The following LCLAT1 variants were observed in gnomAD, a reference collection of about 807,000 sequenced individuals.
The protein encoded by LCLAT1 is lysocardiolipin acyltransferase 1, also known as 1-AGP acyltransferase 8.
LCLAT1 carries 11 observed loss-of-function variants against 30.7 expected under a neutral mutation model. That is an observed-to-expected ratio of 0.36 (90% CI 0.23 to 0.59). The LOEUF (loss-of-function observed/expected upper bound fraction) is 0.59, where lower values mean the gene tolerates loss of function less well. Among genes scored for constraint, LCLAT1 ranks in the 20% least tolerant of loss-of-function variants. The pLI, the probability that LCLAT1 is intolerant of heterozygous loss-of-function variation, is 0.77. For missense variants in LCLAT1, 402 were observed against 458.6 expected, an observed-to-expected ratio of 0.88 and a Z score of 1.13; for synonymous variants, 155 against 151.3, an observed-to-expected ratio of 1.02 and a Z score of -0.18.
intron 1 of LCLAT1, among the ~76,000 whole-genome samples, chr2:30,497,860 A>C (rs1684194964): frequency 6.6e-6 from 1 of 152,210 alleles, no homozygotes; most frequent in Non-Finnish European, 1.5e-5. Context: ...TTTGAACAAT[A>C]TATGGTATTT....
chr2:30,517,650 C>T (rs1190797994), intron 1 of LCLAT1, among the ~76,000 whole-genome samples: 2 of 151,884 alleles, frequency 1.3e-5, no homozygotes, highest in Non-Finnish European at 1.5e-5. Flanking sequence ...ATGGGGGCAA[C>T]GAGCAAATGT....
chr2:30,578,782 A>G (rs1666096035), intron 5 of LCLAT1, among the ~76,000 whole-genome samples: 2 of 152,200 alleles, frequency 1.3e-5, no homozygotes. Flanking sequence ...AATTACTCAT[A>G]ATCTGTAATC....
intron 5 of LCLAT1, among the ~76,000 whole-genome samples, chr2:30,637,722 C>T (rs989414943): frequency 1.3e-5 from 2 of 152,166 alleles, no homozygotes; most frequent in African/African-American, 2.4e-5. Flanking sequence ...AGATTACAAG[C>T]GTGCGCCACC....
chr2:30,548,171 C>T (rs558317687), intron 3 of LCLAT1, among the ~76,000 whole-genome samples: 16 of 151,942 alleles, frequency 1.1e-4, no homozygotes, highest in South Asian at 2.1e-4. Context: ...GATGCATGGC[C>T]GGGAGGGTGG....
chr2:30,496,298 A>G (rs1168135212), intron 1 of LCLAT1, among the ~76,000 whole-genome samples: 1 of 152,208 alleles, frequency 6.6e-6, no homozygotes, highest in Non-Finnish European at 1.5e-5. Flanking sequence ...CCATATCTGA[A>G]TCCCTCTTTC....
chr2:30,608,060 C>A (rs1667541019), intron 5 of LCLAT1, among the ~76,000 whole-genome samples: 1 of 151,948 alleles, frequency 6.6e-6, no homozygotes, highest in Non-Finnish European at 1.5e-5. Flanking sequence ...TTTACTCACA[C>A]CTGTAATCCC....
intron 1 of LCLAT1, among the ~76,000 whole-genome samples, chr2:30,452,033 T>A (rs1200479208): frequency 1.3e-5 from 2 of 152,228 alleles, no homozygotes; most frequent in Non-Finnish European, 2.9e-5. Flanking sequence ...GTACAATACT[T>A]CCCTGGTGAC....
chr2:30,525,686 G>T lies in LCLAT1; in HGVS notation c.96G>T (p.Met32Ile), dbSNP rs748316966. Residue 32 changes from methionine (M) to isoleucine (I), a missense_variant, in exon 2 of 6, where the codon ATG (methionine) becomes ATT (isoleucine). Met to Ile is a conservative substitution (Grantham distance 10). Transcript: ENST00000379509. ...TGCTGAGTCCCTTTTTACCTTTGATGTTTGTAAACCCATCTTGGTATCGCT... is the reference window on the plus strand; with the variant it reads ...TGCTGAGTCCCTTTTTACCTTTGATTTTTGTAAACCCATCTTGGTATCGCT... ...IFMLSPFLPL[M>I]FVNPSWYRWI... 11 of 1,614,000 alleles carry T rather than the reference G, an allele frequency of 6.8e-6. No homozygotes were observed. In the East Asian group the frequency reaches 2.5e-4, roughly 36 times the overall value.
intron 5 of LCLAT1, among the ~76,000 whole-genome samples, chr2:30,635,944 A>G (rs1478554389): frequency 1.3e-5 from 2 of 152,190 alleles, no homozygotes; most frequent in East Asian, 3.8e-4. Context: ...TGAGTCTAAA[A>G]AAGCAAAGAC....
chr2:30,455,976 T>G (rs926024003), intron 1 of LCLAT1, among the ~76,000 whole-genome samples: 22 of 151,152 alleles, frequency 1.5e-4, no homozygotes, highest in African/African-American at 5.4e-4. Context: ...CTGGAAGAGA[T>G]TGTGTGAATT....
intron 5 of LCLAT1, chr2:30,607,793 T>C (rs1355404522): frequency 6.6e-6 from 1 of 151,244 alleles, no homozygotes; most frequent in East Asian, 1.9e-4. Flanking sequence ...TGAGACAAGA[T>C]GTGGAGGTGA....
chr2:30,619,966 C>T (rs1668164429), intron 5 of LCLAT1, among the ~76,000 whole-genome samples: 1 of 152,164 alleles, frequency 6.6e-6, no homozygotes, highest in African/African-American at 2.4e-5. Context: ...GAGTAATTCA[C>T]TCTGTCCTGT....
At chr2:30,485,012 GACTAATT>G in intron 1 of LCLAT1, among the ~76,000 whole-genome samples, 1 of 152,068 alleles carries the variant, frequency 6.6e-6, no homozygotes, top group Non-Finnish European at 1.5e-5. Context: ...ATTAAACCCT[GACTAATT>G]AAATTATCCA....
chr2:30,640,438 T>C lies in LCLAT1; in HGVS notation c.950T>C (p.Leu317Pro). 6.2e-7 allele frequency: 1 copy of C among 1,614,212 alleles called. No homozygotes were observed. The highest frequency in any genetic ancestry group is 8.5e-7 in the Non-Finnish European group (1 of 1,180,022). The change falls in exon 6 of 6, where the codon CTG (leucine) becomes CCG (proline). Residue 317 changes from leucine to proline, a missense_variant. Coordinates refer to ENST00000379509, the MANE Select transcript of LCLAT1 (RefSeq NM_001002257.3). ...VKLLSILYWT[L>P]FSPAMCLLIY... Reference sequence around the variant, plus strand: ...TTGCTCTCTATACTGTATTGGACCCTGTTCAGCCCTGCAATGTGCCTACTC... The same window carrying C: ...TTGCTCTCTATACTGTATTGGACCCCGTTCAGCCCTGCAATGTGCCTACTC...
intron 4 of LCLAT1, among the ~76,000 whole-genome samples, chr2:30,563,727 T>G (rs1484900544): frequency 6.6e-6 from 1 of 152,218 alleles, no homozygotes; most frequent in African/African-American, 2.4e-5. Flanking sequence ...ATTCATACTG[T>G]GCACATAATA....
chr2:30,535,435 C>T (rs916484021), intron 3 of LCLAT1, among the ~76,000 whole-genome samples: 2 of 152,076 alleles, frequency 1.3e-5, no homozygotes, highest in African/African-American at 4.8e-5. Flanking sequence ...GTGTTCACCC[C>T]CCAGGGTCAA....
chr2:30,468,298 G>T (rs1682577987), intron 1 of LCLAT1, among the ~76,000 whole-genome samples: 1 of 152,104 alleles, frequency 6.6e-6, no homozygotes, highest in Admixed American at 6.5e-5. Flanking sequence ...CTGTTCCATT[G>T]GTCTCTCTCT....
At chr2:30,597,052 A>G (rs1376988109) in intron 5 of LCLAT1, among the ~76,000 whole-genome samples, 1 of 142,382 alleles carries the variant, frequency 7.0e-6, no homozygotes, top group Non-Finnish European at 1.5e-5. Context: ...GTAGCCCTGT[A>G]GTATAGTTTG....
intron 1 of LCLAT1, among the ~76,000 whole-genome samples, chr2:30,492,349 T>C (rs983512314): frequency 1.3e-5 from 2 of 152,010 alleles, no homozygotes; most frequent in Non-Finnish European, 2.9e-5. Flanking sequence ...TAGGATGGGG[T>C]TGAATTTCCT....
Sources: allele counts gnomAD v4.1 joint callset (sites outside exome capture counted in the v4.1 genomes callset), GRCh38; gene constraint gnomAD v4.1.1; transcripts MANE v1.5; gene names NCBI Gene and HGNC (gene_info 2026-07-23, HGNC 2026-07-21).